WDFY4: variants seen among roughly 807,000 people sequenced by gnomAD.
WDFY4 encodes WDFY family member 4, also known as WD repeat- and FYVE domain-containing protein 4.
Under a neutral mutation model 351.9 loss-of-function variants are expected in WDFY4, and 169 were observed. The observed-to-expected ratio is 0.48, with a 90% CI of 0.42 to 0.55. The LOEUF (loss-of-function observed/expected upper bound fraction) is 0.55. Among genes scored for constraint, WDFY4 ranks in the 20% least tolerant of loss-of-function variants. The pLI, the probability that WDFY4 is intolerant of heterozygous loss-of-function variation, is 0.00. For synonymous variants in WDFY4, 1,622 were observed against 1,574.6 expected (o/e 1.03, Z -0.71); for missense variants, 3,803 against 3,935.6 (o/e 0.97, Z 0.90).
chr10:48,981,573 G>A (rs1283002952), intron 61 of WDFY4, 95 bp downstream of exon 61: 4 of 1,175,564 alleles, frequency 3.4e-6, no homozygotes, highest in East Asian at 5.2e-5. Context: ...CCACCTGGCC[G>A]AGGAGGCCAC....
intron 47 of WDFY4, chr10:48,914,209 A>G: frequency 6.5e-7 from 1 of 1,541,240 alleles, no homozygotes; most frequent in South Asian, 1.2e-5. Flanking sequence ...GATAGTGATC[A>G]GTGTGAGGAA....
intron 47 of WDFY4, among the ~76,000 whole-genome samples, chr10:48,929,064 G>A (rs2377694): frequency 0.8 from 122,004 of 152,166 alleles, 49,861 homozygotes; most frequent in East Asian, 1. Flanking sequence ...TGGAAGATGC[G>A]CTTTTTTAGA....
At chr10:48,811,797 C>T (rs1293248118) in intron 30 of WDFY4, 89 bp downstream of exon 30, 6 of 1,324,114 alleles carry the variant, frequency 4.5e-6, no homozygotes, top group Non-Finnish European at 5.2e-6. Flanking sequence ...CTGCACTTAC[C>T]TCCCTCTGCT....
chr10:48,693,431 C>A (rs1183005735), intron 1 of WDFY4, among the ~76,000 whole-genome samples: 1 of 152,198 alleles, frequency 6.6e-6, no homozygotes, highest in Non-Finnish European at 1.5e-5. Flanking sequence ...TTCTCAGGCC[C>A]CTTGACCCCT....
At chr10:48,869,988 A>G (rs564020276) in intron 40 of WDFY4, among the ~76,000 whole-genome samples, 2 of 152,368 alleles carry the variant, frequency 1.3e-5, no homozygotes, top group East Asian at 1.9e-4. Context: ...GCAGAATTCA[A>G]GCAGCGCTGG....
chr10:48,703,334 T>G (rs2132160253), intron 1 of WDFY4, among the ~76,000 whole-genome samples: 1 of 152,328 alleles, frequency 6.6e-6, no homozygotes, highest in Middle Eastern at 3.4e-3. Context: ...GAAGCCACTA[T>G]TCTATTTTGT....
At chr10:48,865,915 G>T (rs2069526145) in intron 39 of WDFY4, among the ~76,000 whole-genome samples, 1 of 152,018 alleles carries the variant, frequency 6.6e-6, no homozygotes, top group African/African-American at 2.4e-5. Context: ...ATTCAGTAAG[G>T]TCAGTAGTAT....
At position 48,867,168 on chromosome 10, in the gene WDFY4, TC is replaced by T. The variant is rs1485993834; in HGVS notation, c.6664-96del. 1.2e-4 allele frequency: 29 copies of T among 236,546 alleles called. No homozygotes were observed. The East Asian group carries it at 1.0e-2, about 81-fold the overall frequency. 14.7% of individuals were successfully genotyped at this position (236,546 alleles called of 1,614,324 possible). ...CTGGGTGACAGAATGAGACTGTGTC[TC>T]AAAAAATAAAATAAAATAAAATAAA... On this transcript the variant is annotated intron_variant, in intron 39 of 61. Coordinates refer to ENST00000325239, the MANE Select transcript of WDFY4 (RefSeq NM_001394531.1).
rs200617140 is a variant in WDFY4 at position 48,830,789 on chromosome 10, G to A, written c.6430G>A (p.Asp2144Asn). 1,069 of 1,551,540 alleles carry A rather than the reference G, an allele frequency of 6.9e-4. 1 individual carries two copies. The highest frequency in any genetic ancestry group is 8.6e-4 in the Non-Finnish European group (990 of 1,146,956). The stretch of plus-strand genomic sequence containing the variant: ...GACCCTGGAGGATGCCTTCAAGATC[G>A]ATCTCTCTGTGAAACCTGGAGAGAG... ...QQTLEDAFKI[D>N]LSVKPGEREV... is the part of the protein sequence containing the mutation. Residue 2144 changes from aspartate (D) to asparagine (N), a missense_variant, in exon 38 of 62, where the codon GAT becomes AAT. Coordinates refer to ENST00000325239, the MANE Select transcript of WDFY4 (RefSeq NM_001394531.1).
chr10:48,912,034 A>C (rs942319168), intron 47 of WDFY4, among the ~76,000 whole-genome samples: 10 of 152,208 alleles, frequency 6.6e-5, no homozygotes, highest in African/African-American at 2.4e-4. Context: ...CAAACTTGCC[A>C]ACAACATAGG....
At chr10:48,721,476 A>G in intron 4 of WDFY4, 109 bp downstream of exon 4, 1 of 1,011,420 alleles carries the variant, frequency 9.9e-7, no homozygotes, top group Non-Finnish European at 1.5e-6. Flanking sequence ...GTTTCATAAA[A>G]CAGGTTTATT....
At chr10:48,760,580 A>G in intron 13 of WDFY4, 140 bp downstream of exon 13, 1 of 804,678 alleles carries the variant, frequency 1.2e-6, no homozygotes, top group Non-Finnish European at 2.0e-6. Context: ...GGAAACACCT[A>G]TAGTGGGAAA....
chr10:48,823,801 C>T, intron 35 of WDFY4: 1 of 988,942 alleles, frequency 1.0e-6, no homozygotes, highest in Non-Finnish European at 1.2e-6. Context: ...ATCCACCAGC[C>T]TCCTCTCTTG....
chr10:48,966,833 C>A, intron 55 of WDFY4, 160 bp downstream of exon 55: 1 of 1,027,560 alleles, frequency 9.7e-7, no homozygotes, highest in Non-Finnish European at 1.4e-6. Flanking sequence ...AGGGGGGTGT[C>A]ATCTCTGGGA....
chr10:48,772,012 A>G (rs1258038603), intron 13 of WDFY4, among the ~76,000 whole-genome samples: 1 of 152,192 alleles, frequency 6.6e-6, no homozygotes, highest in Non-Finnish European at 1.5e-5. Context: ...TCTAGAACTC[A>G]TTTACATGGC....
intron 23 of WDFY4, among the ~76,000 whole-genome samples, chr10:48,793,228 G>A (rs147032393): frequency 6.6e-6 from 1 of 152,160 alleles, no homozygotes; most frequent in Non-Finnish European, 1.5e-5. Context: ...ATCCAAGAAG[G>A]TGGACAGAAA....
chr10:48,903,839 C>T (rs536096854), intron 47 of WDFY4, among the ~76,000 whole-genome samples: 1 of 152,150 alleles, frequency 6.6e-6, no homozygotes, highest in Non-Finnish European at 1.5e-5. Flanking sequence ...TGAGAATGGG[C>T]AAGATTATCA....
Position 48,969,147 on chromosome 10 carries a change from G to A in WDFY4, c.8668G>A (p.Val2890Ile), listed in dbSNP as rs1267503428. Residue 2890 changes from valine (V) to isoleucine (I), a missense_variant, in exon 56 of 62, where the codon GTA becomes ATA. Around this residue, in one of 3 missense-constraint regions of WDFY4, gnomAD observed 3,054 missense variants for 3,148.6 expected, o/e 0.97. Coordinates refer to ENST00000325239, the MANE Select transcript of WDFY4 (RefSeq NM_001394531.1). ...CTCTACTGAGAAGACCATTCTGGCT[G>A]TAGAGAGGAACAAAGTGCTGCTGCC... ...IVSTEKTILA[V>I]ERNKVLLPPL... The A allele has an allele frequency of 3.2e-6, 5 of 1,551,674 alleles. No individual in the cohort carries two copies. Among genetic ancestry groups the A allele is most frequent in the Non-Finnish European group, 8.7e-7 (1 of 1,147,004 alleles).
At chr10:48,865,617 A>G (rs1258859760) in intron 39 of WDFY4, among the ~76,000 whole-genome samples, 1 of 152,226 alleles carries the variant, frequency 6.6e-6, no homozygotes, top group Non-Finnish European at 1.5e-5. Context: ...TAATTCTTGG[A>G]AGAGTTTTTG....
Sources: gnomAD v4.1 joint callset for allele counts (sites outside exome capture counted in the v4.1 genomes callset) on GRCh38, gnomAD v4.1.1 for gene constraint, gnomAD v4.1.1 regional missense constraint, MANE v1.5 for transcripts, NCBI Gene and HGNC (gene_info 2026-07-23, HGNC 2026-07-21) for gene names.